The following EPB41L1 variants were observed in gnomAD, a reference collection of about 807,000 sequenced individuals.
EPB41L1 encodes the protein erythrocyte membrane protein band 4.1 like 1, also known as band 4.1-like protein 1.
EPB41L1 carries 29 observed loss-of-function variants against 97.8 expected under a neutral mutation model. That is an observed-to-expected ratio of 0.30 (90% confidence interval 0.22 to 0.40). The LOEUF is 0.40. Among genes scored for constraint, EPB41L1 ranks in the 10% least tolerant of loss-of-function variants. The pLI is 1.00. For missense variants in EPB41L1, 812 were observed against 1,162.3 expected, an observed-to-expected ratio of 0.70 and a Z score of 4.38; for synonymous variants, 383 against 459.2, an observed-to-expected ratio of 0.83 and a Z score of 2.12.
At chr20:36,128,771 G>T (rs2059074069) in intron 2 of EPB41L1, among the ~76,000 whole-genome samples, 1 of 152,184 alleles carries the variant, frequency 6.6e-6, no homozygotes, top group Non-Finnish European at 1.5e-5. Context: ...GGCCTTCAGA[G>T]CCTGGTTTAG....
intron 17 of EPB41L1, 30 bp from the exon 18 acceptor site, chr20:36,218,846 C>A: frequency 6.2e-7 from 1 of 1,609,508 alleles, no homozygotes; most frequent in Non-Finnish European, 8.5e-7. Context: ...CGGCTGAGAG[C>A]TGGCCATCTG....
At chr20:36,141,036 G>A (rs2059618728) in intron 2 of EPB41L1, among the ~76,000 whole-genome samples, 1 of 152,240 alleles carries the variant, frequency 6.6e-6, no homozygotes, top group Non-Finnish European at 1.5e-5. Flanking sequence ...CTGGGCAAGG[G>A]ACAGCAGCTG....
intron 14 of EPB41L1, among the ~76,000 whole-genome samples, chr20:36,204,376 C>T (rs2062672264): frequency 1.3e-5 from 2 of 151,982 alleles, no homozygotes; most frequent in South Asian, 2.1e-4. Flanking sequence ...TCTAACCACC[C>T]TAGAAGTCCA....
intron 17 of EPB41L1, among the ~76,000 whole-genome samples, chr20:36,218,151 G>C (rs374447537): frequency 6.6e-6 from 1 of 152,306 alleles, no homozygotes; most frequent in African/African-American, 2.4e-5. Context: ...CTTGGAGTCA[G>C]ACAACATGGA....
At chr20:36,173,145 G>A (rs2145880784) in intron 1 of EPB41L1, among the ~76,000 whole-genome samples, 1 of 152,338 alleles carries the variant, frequency 6.6e-6, no homozygotes, top group Non-Finnish European at 1.5e-5. Context: ...GGCCAACTCG[G>A]GGACTGAGCC....
chr20:36,210,124 T>G (rs1473794967), intron 15 of EPB41L1, among the ~76,000 whole-genome samples: 1 of 152,200 alleles, frequency 6.6e-6, no homozygotes, highest in African/African-American at 2.4e-5. Context: ...ACCCCATCGC[T>G]TGCTGAAGTC....
At chr20:36,194,025 C>G (rs1014028077) in intron 11 of EPB41L1, among the ~76,000 whole-genome samples, 187 bp from the exon 12 acceptor site, 1 of 152,204 alleles carries the variant, frequency 6.6e-6, no homozygotes, top group Non-Finnish European at 1.5e-5. Context: ...GAGTCCTGGG[C>G]TGGGAGGCAG....
At chr20:36,171,838 G>A (rs990013738) in intron 1 of EPB41L1, among the ~76,000 whole-genome samples, 3 of 152,158 alleles carry the variant, frequency 2.0e-5, no homozygotes, top group Non-Finnish European at 4.4e-5. Context: ...GGGAGAGGGC[G>A]TGCCATGCCA....
rs571614792 is a variant in EPB41L1 at position 36,173,677 on chromosome 20, T to G, written c.-14-87T>G. 2.4e-6 allele frequency: 3 copies of G among 1,230,214 alleles called. No individual in the cohort carries two copies. In the East Asian group the frequency reaches 7.0e-5, roughly 29 times the overall value. 76.2% of individuals were successfully genotyped at this position (1,230,214 alleles called of 1,614,324 possible). On this transcript the variant is annotated intron_variant, in intron 1 of 21. Transcript: ENST00000338074. ...CTCTTTGTCCGTTTGCCTCCATCTGTCTCTCTCCGCGTGTGGTTCCTGCCC... is the reference window on the plus strand; with the variant it reads ...CTCTTTGTCCGTTTGCCTCCATCTGGCTCTCTCCGCGTGTGGTTCCTGCCC...
intron 2 of EPB41L1, among the ~76,000 whole-genome samples, chr20:36,129,946 T>G (rs865944845): frequency 2.5e-4 from 36 of 143,006 alleles, no homozygotes; most frequent in African/African-American, 3.4e-4. Flanking sequence ...TTTTTTTTTT[T>G]GTTTTTTTTT....
rs1357206748 is a variant in EPB41L1 at position 36,206,812 on chromosome 20, A to T, written c.1669-2676A>T. ...AGCCAGCGCAGCCCGAGAGGAAGGG[A>T]CCCCCGTGAGTGGAGATTTGCTGGG... On this transcript the variant is annotated intron_variant, in intron 14 of 21. Transcript: ENST00000338074. This position sits in a 1 kb window ranked among gnomAD's most constrained non-coding sequence, Gnocchi z 5.5. The T allele has an allele frequency of 7.8e-7, 1 of 1,289,584 alleles. No individual in the cohort carries two copies. The highest frequency in any genetic ancestry group is 1.0e-6 in the Non-Finnish European group (1 of 988,840). The allele number at this position is 1,289,584 out of a possible 1,614,324, so 79.9% of individuals were successfully genotyped here.
At chr20:36,181,235 T>C (rs1461236645) in intron 5 of EPB41L1, among the ~76,000 whole-genome samples, 1 of 152,210 alleles carries the variant, frequency 6.6e-6, no homozygotes, top group Non-Finnish European at 1.5e-5. Flanking sequence ...GCCTGGAACC[T>C]GAAATGTTCC....
intron 1 of EPB41L1, among the ~76,000 whole-genome samples, chr20:36,102,566 CAA>C (rs1357145039): frequency 6.6e-6 from 1 of 152,144 alleles, no homozygotes; most frequent in Non-Finnish European, 1.5e-5. Flanking sequence ...AGGATAATCC[CAA>C]GTTTCCATGC....
chr20:36,124,396 C>A (rs1400648851), intron 2 of EPB41L1, among the ~76,000 whole-genome samples: 1 of 152,192 alleles, frequency 6.6e-6, no homozygotes, highest in East Asian at 1.9e-4. Flanking sequence ...GTTCCTGCCT[C>A]CCCCTTCCAG....
At chr20:36,112,233 CT>C (rs2058429151) in intron 1 of EPB41L1, among the ~76,000 whole-genome samples, 1 of 152,206 alleles carries the variant, frequency 6.6e-6, no homozygotes, top group Non-Finnish European at 1.5e-5. Flanking sequence ...TGCCTGGCCC[CT>C]GCTGCCGCTT....
chr20:36,216,027 G>T (rs1358715583), intron 17 of EPB41L1, among the ~76,000 whole-genome samples: 2 of 152,224 alleles, frequency 1.3e-5, no homozygotes, highest in African/African-American at 2.4e-5. Context: ...GGGCTGATGT[G>T]AGGGGGAACG....
chr20:36,169,787 A>G (rs1312748990), intron 1 of EPB41L1, among the ~76,000 whole-genome samples: 2 of 152,172 alleles, frequency 1.3e-5, no homozygotes, highest in African/African-American at 2.4e-5. Flanking sequence ...ACTCTAGGCT[A>G]TAGTCCAGAT....
Position 36,132,390 on chromosome 20 carries a change from C to T in EPB41L1, c.-10+19910C>T, listed in dbSNP as rs182852506. ...CGTCATCATATCTCCTCCGATTCCC[C>T]CAAATCCCCTTTTGACTTACAAGAA... On this transcript the variant is annotated intron_variant, in intron 2 of 19. Transcript: ENST00000202028. Among the ~76,000 whole-genome samples the T allele has an allele frequency of 2.6e-5, 4 of 152,178 alleles. No individual in the cohort carries two copies. In the South Asian group the frequency reaches 6.2e-4, roughly 24 times the overall value.
At chr20:36,163,537 G>GTCACCTAAGTGATCACCTAAGT (rs2060617127) in intron 1 of EPB41L1, among the ~76,000 whole-genome samples, 1 of 152,156 alleles carries the variant, frequency 6.6e-6, no homozygotes, top group Admixed American at 6.5e-5. Flanking sequence ...ATCAGGTGGT[G>GTCACCTAAGTGATCACCTAAGT]GATCAGTCAG....
Sources: allele counts gnomAD v4.1 joint callset (sites outside exome capture counted in the v4.1 genomes callset), GRCh38; gene constraint gnomAD v4.1.1; non-coding constraint Gnocchi (gnomAD v3.1); transcripts MANE v1.5; gene names NCBI Gene and HGNC (gene_info 2026-07-23, HGNC 2026-07-21).